RASGRF2: variants seen among roughly 807,000 people sequenced by gnomAD.
RASGRF2 encodes the protein ras-specific guanine nucleotide-releasing factor 2.
In RASGRF2, 76 loss-of-function variants were observed where a neutral mutation model predicts 151.0. The observed-to-expected ratio is 0.50, with a 90% confidence interval of 0.42 to 0.61. The LOEUF is 0.61. Among genes scored for constraint, RASGRF2 ranks in the 20% least tolerant of loss-of-function variants. RASGRF2 has a pLI of 0.00. For missense variants in RASGRF2, 1,148 were observed against 1,564.6 expected, an observed-to-expected ratio of 0.73 and a Z score of 4.49; for synonymous variants, 504 against 566.5, an observed-to-expected ratio of 0.89 and a Z score of 1.57.
chr5:81,140,988 TG>T (rs1022220681), intron 17 of RASGRF2, among the ~76,000 whole-genome samples: 3 of 93,104 alleles, frequency 3.2e-5, no homozygotes, highest in African/African-American at 8.6e-5. Context: ...GTGTTTTCTC[TG>T]GTTTTTTTTT....
At chr5:81,129,111 G>A (rs1297313455) in intron 17 of RASGRF2, among the ~76,000 whole-genome samples, 1 of 152,192 alleles carries the variant, frequency 6.6e-6, no homozygotes, top group African/African-American at 2.4e-5. Context: ...CTGGATGACA[G>A]GGTGAGACTC....
intron 1 of RASGRF2, among the ~76,000 whole-genome samples, chr5:80,978,806 G>GT (rs972689308): frequency 1.9e-4 from 29 of 151,850 alleles, no homozygotes; most frequent in African/African-American, 7.0e-4. Context: ...AAAAAAAAAG[G>GT]GGGGGAAACA....
intron 17 of RASGRF2, among the ~76,000 whole-genome samples, chr5:81,134,103 TGTGTGTGA>T (rs1313245837): frequency 8.6e-5 from 13 of 151,662 alleles, no homozygotes; most frequent in East Asian, 1.9e-4. Context: ...TGTGTGTGTG[TGTGTGTGA>T]GTGAATATTT....
chr5:81,029,111 G>A (rs1714834527), intron 1 of RASGRF2, among the ~76,000 whole-genome samples: 1 of 152,218 alleles, frequency 6.6e-6, no homozygotes, highest in African/African-American at 2.4e-5. Flanking sequence ...AGGGGTGTCT[G>A]CCATTGCTGA....
intron 1 of RASGRF2, among the ~76,000 whole-genome samples, chr5:81,018,603 C>T (rs1180492864): frequency 6.6e-6 from 1 of 152,072 alleles, no homozygotes; most frequent in Non-Finnish European, 1.5e-5. Flanking sequence ...GAACATAAAA[C>T]CCAGTTTCAT....
chr5:81,199,408 T>C (rs2112710617), intron 18 of RASGRF2, among the ~76,000 whole-genome samples: 1 of 152,366 alleles, frequency 6.6e-6, no homozygotes, highest in Non-Finnish European at 1.5e-5. Context: ...GTTTCTTCCA[T>C]CATGGGGGAT....
intron 1 of RASGRF2, chr5:80,997,984 A>G (rs993394729): frequency 6.6e-6 from 1 of 151,922 alleles, no homozygotes; most frequent in Non-Finnish European, 1.5e-5. Context: ...AAAAAAAAAA[A>G]AAATTAAAGT....
intron 13 of RASGRF2, among the ~76,000 whole-genome samples, chr5:81,110,221 C>T (rs1041950595): frequency 6.6e-6 from 1 of 152,190 alleles, no homozygotes; most frequent in African/African-American, 2.4e-5. Flanking sequence ...GCACTCACTT[C>T]CTTTTAAAAC....
At chr5:81,046,870 T>C (rs572778189) in intron 2 of RASGRF2, among the ~76,000 whole-genome samples, 15 of 152,190 alleles carry the variant, frequency 9.9e-5, no homozygotes, top group Middle Eastern at 3.4e-3. Flanking sequence ...TAGGAGATAG[T>C]CATGGCCTGG....
At chr5:81,118,031 C>T (rs1232239713) in intron 15 of RASGRF2, among the ~76,000 whole-genome samples, 1 of 152,198 alleles carries the variant, frequency 6.6e-6, no homozygotes, top group African/African-American at 2.4e-5. Context: ...TTTCTGGGCT[C>T]AGCCCACATT....
At chr5:81,032,870 G>T (rs1750316797) in intron 1 of RASGRF2, among the ~76,000 whole-genome samples, 1 of 152,178 alleles carries the variant, frequency 6.6e-6, no homozygotes, top group Non-Finnish European at 1.5e-5. Context: ...CCTGTTTGCA[G>T]ATGACATGAT....
At chr5:81,157,437 T>C (rs1754288431) in intron 17 of RASGRF2, among the ~76,000 whole-genome samples, 1 of 152,004 alleles carries the variant, frequency 6.6e-6, no homozygotes, top group Admixed American at 6.6e-5. Flanking sequence ...CAAACATTGC[T>C]GAGAGACATT....
intron 1 of RASGRF2, among the ~76,000 whole-genome samples, chr5:80,965,416 T>C (rs1351868667): frequency 2.0e-5 from 3 of 152,188 alleles, no homozygotes; most frequent in African/African-American, 7.2e-5. Flanking sequence ...AACTTTGTAA[T>C]TATCCTTCTC....
chr5:81,204,613 T>C (rs1755465808), intron 19 of RASGRF2, among the ~76,000 whole-genome samples: 1 of 152,086 alleles, frequency 6.6e-6, no homozygotes, highest in Non-Finnish European at 1.5e-5. Flanking sequence ...AAATACCATC[T>C]CTCCTCCTCC....
At position 81,042,969 on chromosome 5, in the gene RASGRF2, C is replaced by T. The variant is rs772619791; in HGVS notation, c.381C>T (p.Ala127=). The T allele has an allele frequency of 1.2e-6, 2 of 1,611,060 alleles. No individual in the cohort carries two copies. Among genetic ancestry groups the T allele is most frequent in the Admixed American group, 3.3e-5 (2 of 59,780 alleles). ...AGGATGGTAAAGAGTGGATGGAGGC[C>T]ATTCACCAAGCCAGGTATAGGCTCA... ...EEQDGKEWME[A]IHQASYADIL... is the part of the protein sequence containing the mutation. The change falls in exon 2 of 27, where the codon GCC becomes GCT. Residue 127 remains alanine (A), a synonymous_variant. Transcript: ENST00000265080.
At chr5:80,968,673 G>C (rs184906924) in intron 1 of RASGRF2, among the ~76,000 whole-genome samples, 1 of 152,288 alleles carries the variant, frequency 6.6e-6, no homozygotes, top group Non-Finnish European at 1.5e-5. Context: ...ATCTTAAAGG[G>C]AAGGAAGTTT....
At chr5:81,208,323 A>T (rs1407998962) in intron 21 of RASGRF2, 31 bp from the exon 22 acceptor site, 1 of 1,582,584 alleles carries the variant, frequency 6.3e-7, no homozygotes, top group African/African-American at 1.3e-5. Context: ...TAAAAACTTA[A>T]TTGGTTTTGT....
intron 1 of RASGRF2, among the ~76,000 whole-genome samples, chr5:80,993,726 T>C (rs915619378): frequency 3.3e-5 from 5 of 152,148 alleles, no homozygotes; most frequent in African/African-American, 1.2e-4. Context: ...AAATTAGAGA[T>C]TAGCTTTAGG....
intron 15 of RASGRF2, among the ~76,000 whole-genome samples, chr5:81,122,084 A>T (rs1252331418): frequency 6.6e-6 from 1 of 152,208 alleles, no homozygotes; most frequent in African/African-American, 2.4e-5. Flanking sequence ...TTCTCCCCTC[A>T]GCCCCCAGTG....
Sources: allele counts gnomAD v4.1 joint callset (sites outside exome capture counted in the v4.1 genomes callset), GRCh38; gene constraint gnomAD v4.1.1; transcripts MANE v1.5; gene names NCBI Gene and HGNC (gene_info 2026-07-23, HGNC 2026-07-21).